Variants in ZNF609 observed in about 807,000 individuals in gnomAD.
The protein encoded by ZNF609 is zinc finger protein 609.
In ZNF609, 11 loss-of-function variants were observed where a neutral mutation model predicts 109.5. That is an observed-to-expected ratio of 0.10 (90% CI 0.06 to 0.17). The LOEUF is 0.17. Ranked by LOEUF, ZNF609 falls within the 10% of genes least tolerant of loss-of-function variation. The pLI, the probability that ZNF609 is intolerant of heterozygous loss-of-function variation, is 1.00. For missense variants in ZNF609, 1,559 were observed against 1,772.4 expected (o/e 0.88, Z 2.16); for synonymous variants, 646 against 662.0 (o/e 0.98, Z 0.37).
chr15:64,549,162 C>G (rs1452411785), intron 2 of ZNF609, among the ~76,000 whole-genome samples: 1 of 152,008 alleles, frequency 6.6e-6, no homozygotes. Context: ...TGTTTCAAGA[C>G]TGTTTTTGTT....
At chr15:64,603,646 C>T (rs1018529587) in intron 2 of ZNF609, among the ~76,000 whole-genome samples, 7 of 152,140 alleles carry the variant, frequency 4.6e-5, no homozygotes, top group Admixed American at 6.5e-5. Context: ...ATTGTGGCCT[C>T]TATTGCACCT....
At chr15:64,537,832 C>G (rs1353200332) in intron 2 of ZNF609, among the ~76,000 whole-genome samples, 2 of 152,148 alleles carry the variant, frequency 1.3e-5, no homozygotes, top group African/African-American at 2.4e-5. Context: ...CGCGGTGGCT[C>G]TCGCCTGTAA....
intron 2 of ZNF609, among the ~76,000 whole-genome samples, chr15:64,548,943 C>G (rs759641469): frequency 3.9e-5 from 6 of 152,086 alleles, no homozygotes; most frequent in Non-Finnish European, 8.8e-5. Flanking sequence ...AGTGGTAATG[C>G]TGGTGCAAAG....
chr15:64,571,654 G>A (rs1372957251), intron 2 of ZNF609, among the ~76,000 whole-genome samples: 1 of 152,028 alleles, frequency 6.6e-6, no homozygotes, highest in Non-Finnish European at 1.5e-5. Context: ...AAACTCTCTA[G>A]TTTTATGTAG....
chr15:64,511,912 A>G (rs927046813), intron 2 of ZNF609, among the ~76,000 whole-genome samples: 4 of 151,382 alleles, frequency 2.6e-5, no homozygotes, highest in Non-Finnish European at 5.9e-5. Flanking sequence ...GCGGGATTTC[A>G]CCATGTTGGC....
intron 2 of ZNF609, among the ~76,000 whole-genome samples, chr15:64,572,517 T>C (rs1894874443): frequency 6.6e-6 from 1 of 152,198 alleles, no homozygotes; most frequent in Non-Finnish European, 1.5e-5. Flanking sequence ...GGATATAAGC[T>C]TCCTGAGGAC....
intron 2 of ZNF609, among the ~76,000 whole-genome samples, chr15:64,507,984 T>G (rs1442430696): frequency 6.6e-6 from 1 of 152,178 alleles, no homozygotes; most frequent in African/African-American, 2.4e-5. Context: ...ACAAATCCTA[T>G]TCCCTAAAGT....
At chr15:64,629,717 T>A (rs971276412) in intron 3 of ZNF609, among the ~76,000 whole-genome samples, 66 of 152,138 alleles carry the variant, frequency 4.3e-4, no homozygotes, top group African/African-American at 1.6e-3. Context: ...GCTGGATACA[T>A]TACTTCCCCG....
intron 3 of ZNF609, among the ~76,000 whole-genome samples, chr15:64,634,572 G>T (rs923345351): frequency 6.6e-6 from 1 of 152,178 alleles, no homozygotes; most frequent in African/African-American, 2.4e-5. Flanking sequence ...CACTAGAAAA[G>T]TAAGGTGGCA....
At chr15:64,469,056 AC>A (rs869301562) in intron 1 of ZNF609, among the ~76,000 whole-genome samples, 1,936 of 58,548 alleles carry the variant, frequency 0.033, 142 homozygotes, top group African/African-American at 0.063. Context: ...AAAAAAAAAA[AC>A]AACACAATTC....
At chr15:64,550,212 C>T (rs1894442426) in intron 2 of ZNF609, among the ~76,000 whole-genome samples, 1 of 152,128 alleles carries the variant, frequency 6.6e-6, no homozygotes, top group Non-Finnish European at 1.5e-5. Context: ...ACCTCAGCCT[C>T]CCAAAGTGCT....
At chr15:64,577,577 ATATG>A (rs1225329887) in intron 2 of ZNF609, among the ~76,000 whole-genome samples, 1 of 11,376 alleles carries the variant, frequency 8.8e-5, no homozygotes, top group Non-Finnish European at 3.5e-4. Flanking sequence ...ATATACATAT[ATATG>A]TGTATATATA....
At chr15:64,635,946 A>T (rs1471575659) in intron 3 of ZNF609, among the ~76,000 whole-genome samples, 1 of 152,164 alleles carries the variant, frequency 6.6e-6, no homozygotes, top group Non-Finnish European at 1.5e-5. Flanking sequence ...CAGGCTTTAC[A>T]GAACAAAGAA....
intron 2 of ZNF609, among the ~76,000 whole-genome samples, chr15:64,575,972 G>C (rs965902009): frequency 2.0e-5 from 3 of 151,946 alleles, no homozygotes; most frequent in Admixed American, 2.0e-4. Context: ...CGCGGTGGCG[G>C]GCACCTGTAG....
chr15:64,661,375 C>T (rs2141004943), intron 3 of ZNF609, among the ~76,000 whole-genome samples: 1 of 152,286 alleles, frequency 6.6e-6, no homozygotes, highest in African/African-American at 2.4e-5. Context: ...TGTCCCAGTA[C>T]TTGAGAACAG....
chr15:64,600,358 G>A (rs1895474690), intron 2 of ZNF609, among the ~76,000 whole-genome samples: 1 of 150,008 alleles, frequency 6.7e-6, no homozygotes, highest in Admixed American at 6.7e-5. Flanking sequence ...GCTGAGGCAG[G>A]AGAATGGCAT....
chr15:64,593,022 G>C (rs1373783859), intron 2 of ZNF609: 4 of 1,583,050 alleles, frequency 2.5e-6, no homozygotes, highest in Non-Finnish European at 3.4e-6. Context: ...AAAAAGGGCC[G>C]CGGCCACATG....
At chr15:64,578,694 A>AAAAC (rs972529012) in intron 2 of ZNF609, among the ~76,000 whole-genome samples, 1 of 152,294 alleles carries the variant, frequency 6.6e-6, no homozygotes, top group East Asian at 1.9e-4. Context: ...TCTGTCTCAA[A>AAAAC]AAACAAACAA....
chr15:64,616,177 A>C (rs967857216), intron 2 of ZNF609, among the ~76,000 whole-genome samples: 1 of 151,880 alleles, frequency 6.6e-6, no homozygotes, highest in African/African-American at 2.4e-5. Context: ...TATTTTTTGT[A>C]AATATAGACT....
Sources: allele counts gnomAD v4.1 joint callset (sites outside exome capture counted in the v4.1 genomes callset), GRCh38; gene constraint gnomAD v4.1.1; transcripts MANE v1.5; gene names NCBI Gene and HGNC (gene_info 2026-07-23, HGNC 2026-07-21).